Variants in RBFOX1 observed in about 807,000 individuals in gnomAD.
RBFOX1 encodes the protein RNA binding protein fox-1 homolog 1.
Under a neutral mutation model 57.7 loss-of-function variants are expected in RBFOX1, and 8 were observed. The ratio of observed to expected loss-of-function variants is 0.14; its 90% confidence interval spans 0.08 to 0.25. The LOEUF (loss-of-function observed/expected upper bound fraction) is 0.25. Among genes scored for constraint, RBFOX1 ranks in the 10% least tolerant of loss-of-function variants. The pLI is 1.00. For synonymous variants in RBFOX1, 326 were observed against 222.4 expected (o/e 1.47, Z -4.15); for missense variants, 611 against 548.5 (o/e 1.11, Z -1.14).
intron 3 of RBFOX1, among the ~76,000 whole-genome samples, chr16:6,807,686 G>A (rs1186594745): frequency 6.6e-6 from 1 of 152,026 alleles, no homozygotes; most frequent in East Asian, 1.9e-4. Flanking sequence ...CATGGTGGCA[G>A]ACGCCTGTAA....
intron 3 of RBFOX1, among the ~76,000 whole-genome samples, chr16:6,711,702 G>A (rs1489241682): frequency 1.3e-5 from 2 of 152,142 alleles, no homozygotes; most frequent in African/African-American, 4.8e-5. Flanking sequence ...TCTCAGGTAT[G>A]TCTCTGTAGC....
intron 3 of RBFOX1, among the ~76,000 whole-genome samples, chr16:6,880,021 G>T (rs1374142620): frequency 6.6e-6 from 1 of 151,852 alleles, no homozygotes; most frequent in Non-Finnish European, 1.5e-5. Context: ...TACTTGAAGC[G>T]CCTCTGTTTC....
intron 1 of RBFOX1, among the ~76,000 whole-genome samples, chr16:6,190,873 A>G (rs1234860396): frequency 6.6e-6 from 1 of 152,182 alleles, no homozygotes; most frequent in Non-Finnish European, 1.5e-5. Flanking sequence ...GAAATGTACC[A>G]TATGCCTCTC....
At chr16:5,977,254 C>G (rs930094297) in intron 4 of RBFOX1, among the ~76,000 whole-genome samples, 65 of 152,294 alleles carry the variant, frequency 4.3e-4, no homozygotes, top group African/African-American at 1.4e-3. Flanking sequence ...TCCTCACCAC[C>G]TCTCTGCCTG....
intron 3 of RBFOX1, among the ~76,000 whole-genome samples, chr16:6,779,169 C>A (rs974435489): frequency 6.6e-6 from 1 of 152,040 alleles, no homozygotes; most frequent in African/African-American, 2.4e-5. Context: ...CCCCCTTGCT[C>A]TCAACTCCCC....
At chr16:6,095,443 C>T (rs2096233409) in intron 1 of RBFOX1, among the ~76,000 whole-genome samples, 1 of 152,238 alleles carries the variant, frequency 6.6e-6, no homozygotes, top group South Asian at 2.1e-4. Flanking sequence ...TGGGGGATGG[C>T]CTTGCAGGTC....
chr16:5,462,826 G>A (rs1464133337), intron 1 of RBFOX1, among the ~76,000 whole-genome samples: 5 of 152,034 alleles, frequency 3.3e-5, no homozygotes, highest in Admixed American at 6.5e-5. Flanking sequence ...AGTGGCATTC[G>A]GTGGGTAAAG....
At chr16:6,063,719 C>T (rs1209379503) in intron 1 of RBFOX1, among the ~76,000 whole-genome samples, 1 of 152,090 alleles carries the variant, frequency 6.6e-6, no homozygotes, top group Non-Finnish European at 1.5e-5. Flanking sequence ...CCAGGGCAAC[C>T]AGGAGCACAG....
At chr16:6,651,282 C>A (rs866981571) in intron 2 of RBFOX1, among the ~76,000 whole-genome samples, 8 of 152,226 alleles carry the variant, frequency 5.3e-5, no homozygotes, top group Non-Finnish European at 7.3e-5. Flanking sequence ...CATGGCCAGG[C>A]TACAGACCGT....
At chr16:5,331,465 G>C (rs2064754714) in intron 1 of RBFOX1, among the ~76,000 whole-genome samples, 1 of 152,218 alleles carries the variant, frequency 6.6e-6, no homozygotes, top group Non-Finnish European at 1.5e-5. Flanking sequence ...GGCTTGGCTG[G>C]GTGGTTTGTT....
At chr16:5,857,377 A>C (rs2057098797) in intron 3 of RBFOX1, among the ~76,000 whole-genome samples, 1 of 152,188 alleles carries the variant, frequency 6.6e-6, no homozygotes, top group African/African-American at 2.4e-5. Flanking sequence ...GTATTACCAA[A>C]ATGTGCCACA....
intron 3 of RBFOX1, among the ~76,000 whole-genome samples, chr16:6,675,162 C>T (rs142008000): frequency 6.6e-6 from 1 of 152,258 alleles, no homozygotes; most frequent in East Asian, 1.9e-4. Context: ...CCTCGGCCTC[C>T]CAAAGTGCTG....
intron 1 of RBFOX1, among the ~76,000 whole-genome samples, chr16:5,449,285 AC>A (rs1309331819): frequency 1.3e-5 from 2 of 151,890 alleles, no homozygotes; most frequent in African/African-American, 4.8e-5. Flanking sequence ...TTCCCTAATG[AC>A]GCCTACTTAT....
intron 3 of RBFOX1, among the ~76,000 whole-genome samples, chr16:6,817,421 C>T (rs1308775010): frequency 6.6e-6 from 1 of 151,526 alleles, no homozygotes; most frequent in Non-Finnish European, 1.5e-5. Flanking sequence ...TAGCTGGACG[C>T]AGTGGCTCAT....
At chr16:6,620,776 C>G (rs949211825) in intron 2 of RBFOX1, among the ~76,000 whole-genome samples, 1 of 152,130 alleles carries the variant, frequency 6.6e-6, no homozygotes, top group African/African-American at 2.4e-5. Context: ...TTCCTGGACG[C>G]ATAGATCCTC....
At chr16:5,883,748 ACT>A (rs928472555) in intron 4 of RBFOX1, among the ~76,000 whole-genome samples, 3 of 151,920 alleles carry the variant, frequency 2.0e-5, no homozygotes, top group African/African-American at 7.3e-5. Context: ...AAAAAAAATC[ACT>A]CTGATTAGCA....
At chr16:7,490,748 T>A (rs1007619094) in intron 4 of RBFOX1, among the ~76,000 whole-genome samples, 2 of 152,144 alleles carry the variant, frequency 1.3e-5, no homozygotes, top group African/African-American at 4.8e-5. Flanking sequence ...AAATTGTTCA[T>A]TATCTTCTAG....
At chr16:6,916,005 G>T (rs1388056946) in intron 3 of RBFOX1, among the ~76,000 whole-genome samples, 5 of 141,780 alleles carry the variant, frequency 3.5e-5, no homozygotes, top group African/African-American at 1.3e-4. Context: ...GTTTTACTGG[G>T]AAAACTTAAA....
Position 7,518,294 on chromosome 16 carries a change from C to T in RBFOX1, c.175C>T (p.Pro59Ser), listed in dbSNP as rs137880529. Residue 59 changes from proline (P) to serine (S), a missense_variant, in exon 5 of 16, where the codon CCC (proline) becomes TCC (serine). By Grantham distance (74) the Pro-to-Ser change is moderately conservative. This residue lies in a region of RBFOX1 where 245 missense variants were observed against 159.1 expected (regional missense o/e 1.54). Coordinates refer to ENST00000550418, the MANE Select transcript of RBFOX1 (RefSeq NM_018723.4). ...AGAGTACACAGGCCAGACCACGGTTCCCGAGCACACATTAAACCTGTACCC... is the reference window on the plus strand; with the variant it reads ...AGAGTACACAGGCCAGACCACGGTTTCCGAGCACACATTAAACCTGTACCC... Reference protein sequence around the residue: ...APEYTGQTTVPEHTLNLYPPA... With the variant: ...APEYTGQTTVSEHTLNLYPPA... 2.4e-4 allele frequency: 395 copies of T among 1,614,158 alleles called. 1 individual carries two copies. In the African/African-American group the frequency reaches 4.4e-3, roughly 18 times the overall value.
Sources: allele counts gnomAD v4.1 joint callset (sites outside exome capture counted in the v4.1 genomes callset), GRCh38; gene constraint gnomAD v4.1.1; regional missense constraint gnomAD v4.1.1; transcripts MANE v1.5; gene names NCBI Gene and HGNC (gene_info 2026-07-23, HGNC 2026-07-21).